NXPH1: variants seen among roughly 807,000 people sequenced by gnomAD.
The protein encoded by NXPH1 is neurexophilin 1.
NXPH1 carries 5 observed loss-of-function variants against 23.7 expected under a neutral mutation model. The ratio of observed to expected loss-of-function variants is 0.21; its 90% confidence interval spans 0.11 to 0.44. The LOEUF (loss-of-function observed/expected upper bound fraction) is 0.44, where lower values mean the gene tolerates loss of function less well. Ranked by LOEUF, NXPH1 falls within the 20% of genes least tolerant of loss-of-function variation. The probability of loss-of-function intolerance (pLI) is 0.99; values close to 1 mark genes in which losing one functional copy is unlikely to be tolerated. For missense variants in NXPH1, 324 were observed against 321.6 expected (o/e 1.01, Z -0.06); for synonymous variants, 144 against 122.2 (o/e 1.18, Z -1.18).
Position 8,443,575 on chromosome 7 carries a change from G to C in NXPH1, c.54+7808G>C, listed in dbSNP as rs577813284. On this transcript the variant is annotated intron_variant, in intron 2 of 2. Coordinates refer to ENST00000405863, the MANE Select transcript of NXPH1 (RefSeq NM_152745.3). ...CGCCTTTAGCGGCGCGCAGGGGTGA[G>C]GGAGAGGGTGGGGAGAGTCCTAATT... Among the ~76,000 whole-genome samples, 497 of 152,368 alleles carry C rather than the reference G, an allele frequency of 3.3e-3. 2 individuals carry two copies. Among genetic ancestry groups the C allele is most frequent in the African/African-American group, 0.011 (472 of 41,590 alleles).
Position 8,611,833 on chromosome 7 carries a change from T to C in NXPH1, c.55-139175T>C, listed in dbSNP as rs1449608182. Among the ~76,000 whole-genome samples, 4 of 152,254 alleles carry C rather than the reference T, an allele frequency of 2.6e-5. No homozygotes were observed. The East Asian group carries it at 7.7e-4, about 29-fold the overall frequency. ...TCTTTCTCAGCAGGGCTCTTTTGTG[T>C]GTTCTTGGTACTACTAAGTCTAGAG... On this transcript the variant is annotated intron_variant, in intron 2 of 2. Transcript: ENST00000405863.
Position 8,513,741 on chromosome 7 carries a change from G to T in NXPH1, c.54+77974G>T, listed in dbSNP as rs191432126. Among the ~76,000 whole-genome samples, 9 of 152,190 alleles carry T rather than the reference G, an allele frequency of 5.9e-5. No homozygotes were observed. In the East Asian group the frequency reaches 1.7e-3, roughly 29 times the overall value. On this transcript the variant is annotated intron_variant, in intron 2 of 2. Transcript: ENST00000405863. Reference sequence around the variant, plus strand: ...AATTCCCTTTGAGCTCTCCACTAAGGCTTTCAAGAGAACCACCTATGTCCT... The same window carrying T: ...AATTCCCTTTGAGCTCTCCACTAAGTCTTTCAAGAGAACCACCTATGTCCT...
intron 2 of NXPH1, among the ~76,000 whole-genome samples, chr7:8,591,795 A>G (rs10277135): frequency 0.28 from 42,187 of 150,772 alleles, 6,614 homozygotes; most frequent in African/African-American, 0.41. Context: ...CTTAATGAAC[A>G]CTGTATTTGC....
In NXPH1 at chr7:8,540,834, G is replaced by A. The variant is rs78622981; in HGVS notation, c.54+105067G>A. On this transcript the variant is annotated intron_variant, in intron 2 of 2. Transcript: ENST00000405863. ...AAACCTCATGATTCATGGGCTGAAA[G>A]GTTCTTGTCTCAGTGGTGAAGAATA... Among the ~76,000 whole-genome samples the A allele has an allele frequency of 5.2e-3, 794 of 151,830 alleles. 11 individuals are homozygous for A. The highest frequency in any genetic ancestry group is 0.018 in the African/African-American group (756 of 41,496).
At chr7:8,628,673 C>T (rs938239270) in intron 2 of NXPH1, among the ~76,000 whole-genome samples, 8 of 151,472 alleles carry the variant, frequency 5.3e-5, no homozygotes, top group Admixed American at 6.6e-5. Context: ...CAGGAAGATT[C>T]AACAATGTTC....
chr7:8,740,725 CTTTAAA>C (rs990252801), intron 2 of NXPH1, among the ~76,000 whole-genome samples: 2 of 150,404 alleles, frequency 1.3e-5, no homozygotes, highest in Non-Finnish European at 3.0e-5. Flanking sequence ...TTTTTTTTTC[CTTTAAA>C]TTTATTTATT....
chr7:8,575,588 A>C (rs963746764), intron 2 of NXPH1, among the ~76,000 whole-genome samples: 2 of 152,184 alleles, frequency 1.3e-5, no homozygotes, highest in Admixed American at 1.3e-4. Flanking sequence ...CAGAAAGAAC[A>C]TAAGTTCTGT....
At chr7:8,536,957 T>TAAAA (rs1818036820) in intron 2 of NXPH1, among the ~76,000 whole-genome samples, 2 of 151,960 alleles carry the variant, frequency 1.3e-5, no homozygotes, top group African/African-American at 2.4e-5. Flanking sequence ...TAGTGAGAGT[T>TAAAA]TTATTATGAA....
At chr7:8,599,287 A>G (rs767389034) in intron 2 of NXPH1, among the ~76,000 whole-genome samples, 14 of 152,150 alleles carry the variant, frequency 9.2e-5, no homozygotes, top group Non-Finnish European at 1.9e-4. Context: ...AGAGAATGCC[A>G]TCAGCACTCA....
At chr7:8,476,303 C>A (rs1344894090) in intron 2 of NXPH1, among the ~76,000 whole-genome samples, 1 of 152,098 alleles carries the variant, frequency 6.6e-6, no homozygotes, top group Non-Finnish European at 1.5e-5. Context: ...TCTCTGTCAG[C>A]TGACAAGTTT....
At chr7:8,659,614 G>C (rs1270007466) in intron 2 of NXPH1, among the ~76,000 whole-genome samples, 1 of 152,110 alleles carries the variant, frequency 6.6e-6, no homozygotes, top group Non-Finnish European at 1.5e-5. Context: ...GATACCATTA[G>C]GAGATATACC....
intron 2 of NXPH1, among the ~76,000 whole-genome samples, chr7:8,736,121 T>G (rs541180868): frequency 1.3e-5 from 2 of 152,200 alleles, no homozygotes; most frequent in Non-Finnish European, 2.9e-5. Flanking sequence ...TTTGTGTCTC[T>G]ATCTCCTTCA....
intron 2 of NXPH1, among the ~76,000 whole-genome samples, chr7:8,571,607 C>A (rs543971356): frequency 6.6e-6 from 1 of 151,862 alleles, no homozygotes; most frequent in African/African-American, 2.4e-5. Context: ...CTAGACATAT[C>A]CCTCTCTACT....
At chr7:8,730,480 G>A (rs1049120668) in intron 2 of NXPH1, among the ~76,000 whole-genome samples, 19 of 152,056 alleles carry the variant, frequency 1.2e-4, no homozygotes, top group African/African-American at 3.4e-4. Flanking sequence ...AGCTGGTACC[G>A]GTTGTTCCTT....
chr7:8,747,601 C>T (rs537217956), intron 2 of NXPH1, among the ~76,000 whole-genome samples: 1 of 152,146 alleles, frequency 6.6e-6, no homozygotes, highest in Non-Finnish European at 1.5e-5. Context: ...TTTTGCCACA[C>T]AAACAATGGG....
At chr7:8,461,846 A>AT (rs1293387144) in intron 2 of NXPH1, among the ~76,000 whole-genome samples, 4 of 150,094 alleles carry the variant, frequency 2.7e-5, no homozygotes, top group Non-Finnish European at 5.9e-5. Flanking sequence ...CAAAAAAAAA[A>AT]AAAAAGAATA....
At chr7:8,661,502 T>C (rs1820672682) in intron 2 of NXPH1, among the ~76,000 whole-genome samples, 1 of 152,148 alleles carries the variant, frequency 6.6e-6, no homozygotes, top group Admixed American at 6.6e-5. Context: ...GTCATGTTTT[T>C]TGTTTTCTGT....
chr7:8,503,161 C>T (rs994592582), intron 2 of NXPH1, among the ~76,000 whole-genome samples: 2 of 152,026 alleles, frequency 1.3e-5, no homozygotes, highest in Non-Finnish European at 2.9e-5. Context: ...GAATATGGAG[C>T]TTCAAAATCA....
intron 2 of NXPH1, among the ~76,000 whole-genome samples, chr7:8,629,480 G>C (rs1304954787): frequency 6.6e-6 from 1 of 152,106 alleles, no homozygotes; most frequent in South Asian, 2.1e-4. Context: ...AGTTGGGGGA[G>C]ATATTTCATT....
Sources: allele counts gnomAD v4.1 joint callset (sites outside exome capture counted in the v4.1 genomes callset), GRCh38; gene constraint gnomAD v4.1.1; transcripts MANE v1.5; gene names NCBI Gene and HGNC (gene_info 2026-07-23, HGNC 2026-07-21).